Variants in CNBD1 observed in about 807,000 individuals in gnomAD.
CNBD1 encodes the protein cyclic nucleotide binding domain containing 1, also known as cyclic nucleotide-binding domain-containing protein 1.
A neutral mutation model predicts 54.4 loss-of-function variants in CNBD1; 71 were observed. That is an observed-to-expected ratio of 1.30 (90% CI 1.08 to 1.59). The LOEUF (loss-of-function observed/expected upper bound fraction) is 1.59, where lower values mean the gene tolerates loss of function less well. Among genes scored for constraint, CNBD1 ranks in the 40% most tolerant of loss-of-function variants. The pLI is 0.00. For missense variants in CNBD1, 659 were observed against 518.0 expected (o/e 1.27, Z -2.64); for synonymous variants, 182 against 170.7 (o/e 1.07, Z -0.51).
chr8:87,265,114 T>C (rs1047676236), intron 6 of CNBD1, among the ~76,000 whole-genome samples: 2 of 152,142 alleles, frequency 1.3e-5, no homozygotes, highest in East Asian at 1.9e-4. Flanking sequence ...GGTTTTCTTC[T>C]AGGGTTTTTA....
rs747773867 is a variant in CNBD1, at chr8:87,286,582, G to A, written c.953G>A (p.Arg318His). ...AATATGCAAAAGTTGAAATTAATCCGTATGTGTCCTTATTATGAGGAATGG... is the reference window on the plus strand; with the variant it reads ...AATATGCAAAAGTTGAAATTAATCCATATGTGTCCTTATTATGAGGAATGG... The part of the protein sequence containing the change: ...LENMQKLKLI[R>H]MCPYYEEWPT... Residue 318 changes from arginine (R) to histidine (H), a missense_variant, in exon 8 of 11, where the codon CGT becomes CAT. Coordinates refer to ENST00000518476, the MANE Select transcript of CNBD1 (RefSeq NM_173538.3). 22 of 1,471,074 alleles carry A rather than the reference G, an allele frequency of 1.5e-5. No homozygotes were observed. In the East Asian group the frequency reaches 1.7e-4, roughly 11 times the overall value. The allele number at this position is 1,471,074 out of a possible 1,614,324, so 91.1% of individuals were successfully genotyped here. A position where few individuals can be genotyped will look rare whatever the true frequency, so the allele number is the denominator to read the frequency against.
chr8:87,228,792 T>A (rs912073354), intron 5 of CNBD1, among the ~76,000 whole-genome samples: 2 of 152,148 alleles, frequency 1.3e-5, no homozygotes, highest in East Asian at 1.9e-4. Context: ...CCAGGCTGTG[T>A]TGTTTACCTA....
At chr8:87,164,460 C>A (rs558789993) in intron 4 of CNBD1, among the ~76,000 whole-genome samples, 18 of 151,532 alleles carry the variant, frequency 1.2e-4, no homozygotes, top group African/African-American at 4.4e-4. Context: ...ATTACTGAGT[C>A]AATTTCTTTA....
chr8:87,410,242 A>G (rs77909718), intron 2 of CNBD1, among the ~76,000 whole-genome samples: 2,287 of 152,262 alleles, frequency 0.015, 57 homozygotes, highest in African/African-American at 0.049. Context: ...CATTTATTCT[A>G]TAGCCCAAGG....
At chr8:87,076,530 C>A (rs968343256) in intron 4 of CNBD1, among the ~76,000 whole-genome samples, 5 of 151,984 alleles carry the variant, frequency 3.3e-5, no homozygotes, top group Non-Finnish European at 5.9e-5. Flanking sequence ...GCAACCTCCA[C>A]CTCCTGGGTT....
At chr8:87,284,304 T>G (rs1243443603) in intron 6 of CNBD1, among the ~76,000 whole-genome samples, 1 of 152,128 alleles carries the variant, frequency 6.6e-6, no homozygotes, top group Non-Finnish European at 1.5e-5. Context: ...TTTTTGTTAT[T>G]ACTGAATACT....
intron 3 of CNBD1, among the ~76,000 whole-genome samples, chr8:86,924,555 G>A (rs1441903506): frequency 6.6e-6 from 1 of 152,090 alleles, no homozygotes; most frequent in African/African-American, 2.4e-5. Context: ...AGTGGAAAAT[G>A]GAAATTATTC....
intron 4 of CNBD1, among the ~76,000 whole-genome samples, chr8:87,077,147 C>T (rs1372460401): frequency 6.6e-6 from 1 of 152,132 alleles, no homozygotes; most frequent in East Asian, 1.9e-4. Context: ...CTTGAGGGAC[C>T]TGGCTTAAAA....
In CNBD1 at chr8:86,938,743, T is replaced by C. The variant is rs188076477; in HGVS notation, c.273-853T>C. Among the ~76,000 whole-genome samples, 1,365 of 152,232 alleles carry C rather than the reference T, an allele frequency of 9.0e-3. 29 individuals carry two copies. The highest frequency in any genetic ancestry group is 0.031 in the African/African-American group (1,281 of 41,542). ...GCTACAATTCAAGATGAGATTTGGG[T>C]GGGGACACAGCCAAACCATATCACA... On this transcript the variant is annotated intron_variant, in intron 3 of 10. Coordinates refer to ENST00000518476, the MANE Select transcript of CNBD1 (RefSeq NM_173538.3).
At chr8:86,887,483 C>A in intron 1 of CNBD1, 59 bp from the exon 2 acceptor site, 1 of 1,056,326 alleles carries the variant, frequency 9.5e-7, no homozygotes. Flanking sequence ...ACTCTATTTA[C>A]ACACTTGCTT....
chr8:86,987,733 A>C (rs952111528), intron 4 of CNBD1, among the ~76,000 whole-genome samples: 1 of 152,156 alleles, frequency 6.6e-6, no homozygotes, highest in African/African-American at 2.4e-5. Flanking sequence ...TTTTATCCAA[A>C]GCTTTTCTGT....
At chr8:87,343,067 G>T (rs1240887184) in intron 8 of CNBD1, among the ~76,000 whole-genome samples, 2 of 152,054 alleles carry the variant, frequency 1.3e-5, no homozygotes, top group Admixed American at 1.3e-4. Flanking sequence ...TCCTTCCCCA[G>T]GGTTATTCCT....
intron 5 of CNBD1, among the ~76,000 whole-genome samples, chr8:87,215,992 C>A (rs1000250061): frequency 6.6e-6 from 1 of 152,106 alleles, no homozygotes; most frequent in South Asian, 2.1e-4. Context: ...AATATGTGAC[C>A]TTTTGTGTTG....
chr8:87,373,533 T>C (rs910579346), intron 10 of CNBD1, among the ~76,000 whole-genome samples: 1 of 151,858 alleles, frequency 6.6e-6, no homozygotes, highest in Admixed American at 6.6e-5. Flanking sequence ...GCCTTAAATG[T>C]AACTTGTTTT....
chr8:87,406,782 G>C (rs977061883), intron 2 of CNBD1, among the ~76,000 whole-genome samples: 1 of 151,868 alleles, frequency 6.6e-6, no homozygotes, highest in Non-Finnish European at 1.5e-5. Context: ...CCGGCCCTCA[G>C]TTTACATATT....
chr8:87,207,873 C>T (rs1170326341), intron 5 of CNBD1, among the ~76,000 whole-genome samples: 1 of 152,140 alleles, frequency 6.6e-6, no homozygotes, highest in South Asian at 2.1e-4. Context: ...TTTACACCTA[C>T]CTGTGTCAAA....
intron 3 of CNBD1, among the ~76,000 whole-genome samples, chr8:86,927,512 G>A (rs1009842354): frequency 1.1e-4 from 17 of 152,052 alleles, no homozygotes; most frequent in Non-Finnish European, 2.2e-4. Context: ...GAAGTTGTAG[G>A]GTGTAATTAC....
chr8:87,422,847 C>T (rs1387478843), intron 2 of CNBD1, among the ~76,000 whole-genome samples: 49 of 152,142 alleles, frequency 3.2e-4, no homozygotes, highest in Non-Finnish European at 5.9e-4. Context: ...GGCATTGAAT[C>T]TGTAAATTAC....
intron 4 of CNBD1, among the ~76,000 whole-genome samples, chr8:87,135,350 T>C (rs1812206456): frequency 2.0e-5 from 3 of 151,818 alleles, no homozygotes; most frequent in Admixed American, 1.3e-4. Context: ...TTCTATAAAA[T>C]GACTACCTAC....
Sources: allele counts gnomAD v4.1 joint callset (sites outside exome capture counted in the v4.1 genomes callset), GRCh38; gene constraint gnomAD v4.1.1; transcripts MANE v1.5; gene names NCBI Gene and HGNC (gene_info 2026-07-23, HGNC 2026-07-21).